Variants in SGCZ observed in about 807,000 individuals in gnomAD.
SGCZ encodes sarcoglycan zeta, also known as zeta-sarcoglycan.
A neutral mutation model predicts 41.3 loss-of-function variants in SGCZ; 40 were observed. That is an observed-to-expected ratio of 0.97 (90% CI 0.75 to 1.26). The LOEUF (loss-of-function observed/expected upper bound fraction) is 1.26. Among genes scored for constraint, SGCZ ranks in the 50% most tolerant of loss-of-function variants. The probability of loss-of-function intolerance (pLI) is 0.00; values close to 1 mark genes in which losing one functional copy is unlikely to be tolerated. For missense variants in SGCZ, 552 were observed against 369.8 expected, an observed-to-expected ratio of 1.49 and a Z score of -4.04; for synonymous variants, 206 against 137.5, an observed-to-expected ratio of 1.50 and a Z score of -3.49.
chr8:14,320,947 C>T (rs189392875), intron 3 of SGCZ, among the ~76,000 whole-genome samples: 8 of 152,166 alleles, frequency 5.3e-5, no homozygotes, highest in Admixed American at 1.3e-4. Context: ...GACAACATGA[C>T]TACCTTGGAC....
At chr8:14,127,883 C>T (rs1018150956) in intron 5 of SGCZ, among the ~76,000 whole-genome samples, 4 of 152,218 alleles carry the variant, frequency 2.6e-5, no homozygotes, top group African/African-American at 9.6e-5. Flanking sequence ...AAGCCCAGTA[C>T]CCGATAATTA....
rs373996710 is a variant in SGCZ, at chr8:14,541,593, T to C, written c.234+13139A>G. 1.9e-3 allele frequency among the ~76,000 whole-genome samples: 281 copies of C among 151,892 alleles called. 1 individual carries two copies. Among genetic ancestry groups the C allele is most frequent in the African/African-American group, 6.5e-3 (271 of 41,504 alleles). The stretch of plus-strand genomic sequence containing the variant: ...AGTCAATGCTATTGTAATAAACATA[T>C]GTGTACATGTGTCTTTATAGTAGAA... On this transcript the variant is annotated intron_variant, in intron 2 of 7. Transcript: ENST00000382080.
chr8:15,115,159 G>A (rs549786563), intron 1 of SGCZ, among the ~76,000 whole-genome samples: 1 of 152,288 alleles, frequency 6.6e-6, no homozygotes, highest in South Asian at 2.1e-4. Context: ...CAGTGATTCA[G>A]AGACCCAGGC....
intron 3 of SGCZ, among the ~76,000 whole-genome samples, chr8:14,310,055 T>A (rs1480703711): frequency 6.6e-6 from 1 of 152,150 alleles, no homozygotes. Context: ...AAAATTCTGT[T>A]GTTCCATTGT....
At chr8:14,395,937 G>T (rs559458771) in intron 2 of SGCZ, among the ~76,000 whole-genome samples, 1 of 152,196 alleles carries the variant, frequency 6.6e-6, no homozygotes, top group Non-Finnish European at 1.5e-5. Context: ...GACAATTTCA[G>T]TTTCAAGAGG....
intron 2 of SGCZ, among the ~76,000 whole-genome samples, chr8:14,369,391 T>A (rs533374306): frequency 9.2e-5 from 14 of 151,956 alleles, no homozygotes; most frequent in Non-Finnish European, 1.3e-4. Context: ...TATATCCTCA[T>A]AATAAAGGCT....
chr8:14,324,155 C>T lies in SGCZ; in HGVS notation c.284G>A (p.Gly95Asp). The T allele has an allele frequency of 6.2e-7, 1 of 1,613,122 alleles. No individual in the cohort carries two copies. Among genetic ancestry groups the T allele is most frequent in the Non-Finnish European group, 8.5e-7 (1 of 1,179,540 alleles). The change falls in exon 3 of 8, where the codon GGT becomes GAT. Residue 95 changes from glycine (G) to aspartate (D), a missense_variant. Transcript: ENST00000382080. ...RVTKKGIRLE[G>D]ISEFLLPLYV... ...CAATGGAAGTAGAAACTCAGATATA[C>T]CTTCAAGTCGGATTCCCTTCTTGGT...
chr8:15,091,230 A>G (rs1231432262), intron 1 of SGCZ, among the ~76,000 whole-genome samples: 2 of 152,104 alleles, frequency 1.3e-5, no homozygotes, highest in Non-Finnish European at 2.9e-5. Context: ...TATGTTGCCC[A>G]GGCTGGCCTG....
intron 2 of SGCZ, among the ~76,000 whole-genome samples, chr8:14,468,781 T>C (rs1801126322): frequency 6.6e-6 from 1 of 152,142 alleles, no homozygotes; most frequent in Admixed American, 6.6e-5. Flanking sequence ...ATTAGCCTGA[T>C]GATTTTCAAA....
intron 3 of SGCZ, among the ~76,000 whole-genome samples, chr8:14,281,233 C>G (rs1800422526): frequency 1.3e-5 from 2 of 151,794 alleles, no homozygotes; most frequent in Non-Finnish European, 2.9e-5. Context: ...AAATATATAC[C>G]TCATTAGTCA....
intron 1 of SGCZ, among the ~76,000 whole-genome samples, chr8:15,126,897 C>T (rs1293717970): frequency 1.3e-5 from 2 of 152,106 alleles, no homozygotes; most frequent in African/African-American, 4.8e-5. Context: ...GACATGGAGA[C>T]TGAGACCAGG....
At chr8:15,013,254 A>G (rs1351604109) in intron 1 of SGCZ, among the ~76,000 whole-genome samples, 1 of 152,200 alleles carries the variant, frequency 6.6e-6, no homozygotes, top group Non-Finnish European at 1.5e-5. Flanking sequence ...CTCTGGCTGT[A>G]CTGTAATAAA....
chr8:14,953,446 A>C (rs1269766778), intron 1 of SGCZ, among the ~76,000 whole-genome samples: 1 of 152,126 alleles, frequency 6.6e-6, no homozygotes, highest in Non-Finnish European at 1.5e-5. Flanking sequence ...TCGACATGAG[A>C]TTTGGGTGGG....
intron 4 of SGCZ, among the ~76,000 whole-genome samples, chr8:14,210,059 T>C (rs1181778603): frequency 6.6e-6 from 1 of 152,138 alleles, no homozygotes; most frequent in Non-Finnish European, 1.5e-5. Flanking sequence ...TGTTTGTTTG[T>C]TTGTTTCTCT....
At chr8:14,142,115 A>C (rs1031726602) in intron 5 of SGCZ, among the ~76,000 whole-genome samples, 1 of 152,176 alleles carries the variant, frequency 6.6e-6, no homozygotes, top group Admixed American at 6.5e-5. Flanking sequence ...GGAATTGAAC[A>C]ATGAGAGCAC....
chr8:14,508,979 T>G (rs1802388845), intron 2 of SGCZ, among the ~76,000 whole-genome samples: 1 of 152,142 alleles, frequency 6.6e-6, no homozygotes, highest in African/African-American at 2.4e-5. Context: ...TGGAAACAAA[T>G]TATACAAATT....
chr8:14,712,971 G>T (rs1026552829), intron 1 of SGCZ, among the ~76,000 whole-genome samples: 10 of 152,002 alleles, frequency 6.6e-5, no homozygotes, highest in African/African-American at 2.4e-4. Context: ...TTCTCCTCAA[G>T]ACTAGGACAT....
At chr8:14,402,256 G>C (rs1490581118) in intron 2 of SGCZ, among the ~76,000 whole-genome samples, 2 of 151,338 alleles carry the variant, frequency 1.3e-5, no homozygotes, top group African/African-American at 4.9e-5. Context: ...CACTCTGATG[G>C]TAGTTTCTTT....
intron 1 of SGCZ, among the ~76,000 whole-genome samples, chr8:14,647,245 G>C (rs1807251932): frequency 6.6e-6 from 1 of 151,916 alleles, no homozygotes; most frequent in Non-Finnish European, 1.5e-5. Flanking sequence ...CACTCCTTCA[G>C]CATTTACCTT....
Sources: allele counts gnomAD v4.1 joint callset (sites outside exome capture counted in the v4.1 genomes callset), GRCh38; gene constraint gnomAD v4.1.1; transcripts MANE v1.5; gene names NCBI Gene and HGNC (gene_info 2026-07-23, HGNC 2026-07-21).